The following NEO1 variants were observed in gnomAD, a reference collection of about 807,000 sequenced individuals.
NEO1 encodes neogenin.
Under a neutral mutation model 159.7 loss-of-function variants are expected in NEO1, and 63 were observed. The ratio of observed to expected loss-of-function variants is 0.39; its 90% CI spans 0.32 to 0.49. NEO1 has a LOEUF of 0.49. NEO1 is among the 20% of genes least tolerant of loss of function. The pLI is 0.85. For synonymous variants in NEO1, 633 were observed against 662.0 expected, an observed-to-expected ratio of 0.96 and a Z score of 0.67; for missense variants, 1,615 against 1,831.0, an observed-to-expected ratio of 0.88 and a Z score of 2.15.
intron 4 of NEO1, among the ~76,000 whole-genome samples, chr15:73,132,050 A>G (rs550201472): frequency 4.9e-4 from 74 of 152,304 alleles, no homozygotes; most frequent in Admixed American, 7.2e-4. Context: ...TTCTTTTGCT[A>G]TACCATTTTG....
At chr15:73,098,378 A>G (rs2070203540) in intron 1 of NEO1, among the ~76,000 whole-genome samples, 1 of 152,202 alleles carries the variant, frequency 6.6e-6, no homozygotes, top group Non-Finnish European at 1.5e-5. Context: ...AGTCAAATCT[A>G]TGAACAAGTT....
rs1340818934 is a variant in NEO1, at chr15:73,178,163, T to C, written c.1171-144T>C. 5.4e-6 allele frequency: 4 copies of C among 737,468 alleles called. No individual in the cohort carries two copies. In the Admixed American group the frequency reaches 1.2e-4, roughly 21 times the overall value. 45.7% of individuals were successfully genotyped at this position (737,468 alleles called of 1,614,324 possible). ...GCCAATGCTTTAGTATGAAATTGAG[T>C]TAACAAGTACTTGGATAATATTTAA... On this transcript the variant is annotated intron_variant, in intron 6 of 28. Transcript: ENST00000261908.
chr15:73,124,650 T>C (rs1389232136), intron 3 of NEO1, among the ~76,000 whole-genome samples: 4 of 152,202 alleles, frequency 2.6e-5, no homozygotes, highest in South Asian at 2.1e-4. Context: ...TGCTCAAATA[T>C]CGCTTTATCA....
At chr15:73,193,817 A>G (rs1391629432) in intron 7 of NEO1, among the ~76,000 whole-genome samples, 2 of 151,874 alleles carry the variant, frequency 1.3e-5, no homozygotes, top group African/African-American at 2.4e-5. Context: ...GCGCTACTCT[A>G]ATTCTAAACT....
intron 15 of NEO1, among the ~76,000 whole-genome samples, chr15:73,260,873 C>T (rs1482325714): frequency 6.6e-6 from 1 of 152,128 alleles, no homozygotes; most frequent in African/African-American, 2.4e-5. Context: ...TTAAAAGTAT[C>T]TTGTGGATGA....
intron 5 of NEO1, among the ~76,000 whole-genome samples, chr15:73,152,296 G>A (rs562633199): frequency 6.6e-6 from 1 of 152,232 alleles, no homozygotes; most frequent in Admixed American, 6.5e-5. Context: ...CTTTCTGATG[G>A]TGGGTTTTAG....
At chr15:73,193,423 T>G (rs1419102265) in intron 7 of NEO1, among the ~76,000 whole-genome samples, 1 of 151,968 alleles carries the variant, frequency 6.6e-6, no homozygotes, top group East Asian at 1.9e-4. Context: ...GGTTTTCAAT[T>G]TCAAAATTCA....
chr15:73,138,162 CA>C (rs1165115496), intron 5 of NEO1, among the ~76,000 whole-genome samples: 1 of 151,832 alleles, frequency 6.6e-6, no homozygotes, highest in African/African-American at 2.4e-5. Context: ...ATATCAAAGA[CA>C]AAAAAATTCT....
intron 5 of NEO1, among the ~76,000 whole-genome samples, chr15:73,163,186 T>C (rs2151895690): frequency 6.6e-6 from 1 of 152,334 alleles, no homozygotes; most frequent in Admixed American, 6.5e-5. Flanking sequence ...CGTAAGAATG[T>C]GAATGACAAC....
At chr15:73,278,570 C>A (rs891988067) in intron 22 of NEO1, among the ~76,000 whole-genome samples, 7 of 152,206 alleles carry the variant, frequency 4.6e-5, no homozygotes, top group South Asian at 2.1e-4. Flanking sequence ...AGTGCTACTA[C>A]ATACTGCAGT....
chr15:73,100,283 C>T (rs2070327081), intron 1 of NEO1, among the ~76,000 whole-genome samples: 1 of 151,996 alleles, frequency 6.6e-6, no homozygotes, highest in Admixed American at 6.6e-5. Flanking sequence ...CATCTCAGTT[C>T]AGTCCTATTT....
At chr15:73,094,444 A>G (rs1345006622) in intron 1 of NEO1, among the ~76,000 whole-genome samples, 1 of 152,236 alleles carries the variant, frequency 6.6e-6, no homozygotes, top group Non-Finnish European at 1.5e-5. Flanking sequence ...TGGATATAAT[A>G]CATGTTATAT....
chr15:73,261,197 G>A (rs1465107962), intron 15 of NEO1, among the ~76,000 whole-genome samples: 4 of 151,604 alleles, frequency 2.6e-5, no homozygotes, highest in African/African-American at 9.7e-5. Flanking sequence ...CACTAGCCTC[G>A]GCCCTGGAAC....
At chr15:73,052,171 G>A (rs1481902738), upstream of NEO1, among the ~76,000 whole-genome samples, 1 of 149,490 alleles carries the variant, frequency 6.7e-6, no homozygotes, top group Non-Finnish European at 1.5e-5. Flanking sequence ...GGAGAAGGGG[G>A]AGGGGAGCGG....
intron 24 of NEO1, 44 bp from the exon 25 acceptor site, chr15:73,289,102 C>T (rs759564334): frequency 5.3e-6 from 8 of 1,515,148 alleles, no homozygotes; most frequent in Middle Eastern, 1.7e-4. Flanking sequence ...TGCTCAGTGG[C>T]ATAGGGCACA....
Position 73,089,000 on chromosome 15 carries a change from A to G in NEO1, c.131-27540A>G, listed in dbSNP as rs7164788. 7.0e-3 allele frequency among the ~76,000 whole-genome samples: 1,060 copies of G among 152,226 alleles called. 14 individuals carry two copies. The highest frequency in any genetic ancestry group is 0.024 in the African/African-American group (1,010 of 41,550). On this transcript the variant is annotated intron_variant, in intron 1 of 28. Coordinates refer to ENST00000261908, the MANE Select transcript of NEO1 (RefSeq NM_002499.4). ...AGGAAGAGATTCAGATTTGTGCATC[A>G]TTATGGTTGATAGTTGCAGTTCTGA...
Position 73,250,066 on chromosome 15 carries a change from C to G in NEO1, c.1894+345C>G, listed in dbSNP as rs141212909. Among the ~76,000 whole-genome samples the G allele has an allele frequency of 6.6e-5, 10 of 152,188 alleles. No homozygotes were observed. The East Asian group carries it at 1.9e-3, about 29-fold the overall frequency. ...CATTCCAGGGCTTTTGGAAGACTAG[C>G]CTTATTCTACTTAGCAATGATATTT... On this transcript the variant is annotated intron_variant, in intron 11 of 28. Transcript: ENST00000261908.
chr15:73,052,227 G>C (rs2067468476), upstream of NEO1, among the ~76,000 whole-genome samples: 1 of 147,022 alleles, frequency 6.8e-6, no homozygotes, highest in African/African-American at 2.5e-5. Context: ...GAGCGGGGGC[G>C]GGCCGCGCGC....
At chr15:73,165,495 C>T (rs1248920965) in intron 5 of NEO1, among the ~76,000 whole-genome samples, 1 of 152,102 alleles carries the variant, frequency 6.6e-6, no homozygotes, top group Admixed American at 6.6e-5. Flanking sequence ...TTCAAACCAT[C>T]CAGTAGTCAA....
Sources: gnomAD v4.1 joint callset for allele counts (sites outside exome capture counted in the v4.1 genomes callset) on GRCh38, gnomAD v4.1.1 for gene constraint, MANE v1.5 for transcripts, NCBI Gene and HGNC (gene_info 2026-07-23, HGNC 2026-07-21) for gene names.